DOCK5: variants seen among roughly 807,000 people sequenced by gnomAD.
The protein encoded by DOCK5 is dedicator of cytokinesis 5.
Under a neutral mutation model 251.8 loss-of-function variants are expected in DOCK5, and 142 were observed. The observed-to-expected ratio is 0.56, with a 90% CI of 0.49 to 0.65. The LOEUF is 0.65. Ranked by LOEUF, DOCK5 falls within the 30% of genes least tolerant of loss-of-function variation. The pLI is 0.00. For synonymous variants in DOCK5, 842 were observed against 835.5 expected (o/e 1.01, Z -0.13); for missense variants, 2,111 against 2,312.3 (o/e 0.91, Z 1.79).
intron 5 of DOCK5, among the ~76,000 whole-genome samples, chr8:25,282,371 T>A (rs1413655132): frequency 1.3e-5 from 2 of 152,158 alleles, no homozygotes; most frequent in Non-Finnish European, 2.9e-5. Flanking sequence ...AAAACCCAAA[T>A]CTCTGGTTTT....
At chr8:25,394,351 CTT>C (rs199715686) in intron 44 of DOCK5, among the ~76,000 whole-genome samples, 8 of 145,994 alleles carry the variant, frequency 5.5e-5, no homozygotes, top group Admixed American at 6.8e-5. Context: ...GAAGGAGATA[CTT>C]TTTTTTTTTT....
intron 5 of DOCK5, among the ~76,000 whole-genome samples, chr8:25,289,603 G>A (rs1413956019): frequency 2.0e-5 from 3 of 152,034 alleles, no homozygotes; most frequent in African/African-American, 4.8e-5. Flanking sequence ...AGCACTTTGG[G>A]AGACTGAGGC....
rs149682922 is a variant in DOCK5 at position 25,405,712 on chromosome 8, G to C, written c.5093+1988G>C. On this transcript the variant is annotated intron_variant, in intron 48 of 51. Transcript: ENST00000276440. ...AATGTATGGACTAACTTTAGGAAGA[G>C]TGATGGCTTTTTGATGCTGAGGCTT... 3.4e-3 allele frequency among the ~76,000 whole-genome samples: 516 copies of C among 152,264 alleles called. 3 individuals are homozygous for C. Among genetic ancestry groups the C allele is most frequent in the South Asian group, 0.028 (135 of 4,830 alleles).
chr8:25,374,921 A>G (rs1161186022), intron 37 of DOCK5: 8 of 1,276,350 alleles, frequency 6.3e-6, no homozygotes, highest in African/African-American at 6.1e-5. Context: ...AAGCAATAAA[A>G]CACACATTGA....
chr8:25,245,239 G>A (rs989639704), intron 2 of DOCK5, among the ~76,000 whole-genome samples: 6 of 151,958 alleles, frequency 3.9e-5, no homozygotes, highest in Admixed American at 1.3e-4. Context: ...TATATTTTTA[G>A]TAGAGACGGA....
At chr8:25,377,216 A>G (rs1336034900) in intron 37 of DOCK5, 89 bp from the exon 38 acceptor site, 5 of 1,436,046 alleles carry the variant, frequency 3.5e-6, no homozygotes, top group Non-Finnish European at 2.8e-6. Context: ...TACAAAATCA[A>G]TGAGTCAAAT....
At chr8:25,410,939 ATGTGTGTGTGTGTG>A (rs763758410) in intron 51 of DOCK5, among the ~76,000 whole-genome samples, 4 of 102,062 alleles carry the variant, frequency 3.9e-5, no homozygotes, top group Admixed American at 1.1e-4. Flanking sequence ...GAGAGAGAAA[ATGTGTGTGTGTGTG>A]TGTGTGTGTG....
intron 26 of DOCK5, among the ~76,000 whole-genome samples, chr8:25,350,917 A>G (rs1800455757): frequency 6.6e-6 from 1 of 152,122 alleles, no homozygotes; most frequent in Non-Finnish European, 1.5e-5. Context: ...GGAGACACAA[A>G]CATTTACTCC....
chr8:25,216,165 A>G (rs184117759), intron 1 of DOCK5, among the ~76,000 whole-genome samples: 4,059 of 146,606 alleles, frequency 0.028, 164 homozygotes, highest in South Asian at 0.038. Context: ...GTATATATGT[A>G]TACAATATGT....
chr8:25,289,226 G>A (rs1201939823), intron 5 of DOCK5, among the ~76,000 whole-genome samples: 1 of 152,128 alleles, frequency 6.6e-6, no homozygotes, highest in Non-Finnish European at 1.5e-5. Context: ...CCTTAGGATC[G>A]TCATAGAAGG....
At chr8:25,287,120 T>C (rs1804356193) in intron 5 of DOCK5, among the ~76,000 whole-genome samples, 1 of 152,194 alleles carries the variant, frequency 6.6e-6, no homozygotes, top group South Asian at 2.1e-4. Flanking sequence ...GCAAAGCTAT[T>C]TTTTCTTGTG....
At chr8:25,262,807 G>A (rs752712186) in intron 2 of DOCK5, among the ~76,000 whole-genome samples, 1 of 151,616 alleles carries the variant, frequency 6.6e-6, no homozygotes, top group Non-Finnish European at 1.5e-5. Context: ...TCATAGAAAA[G>A]CAAATATAGA....
At chr8:25,227,580 C>T (rs1021231824) in intron 1 of DOCK5, among the ~76,000 whole-genome samples, 6 of 151,958 alleles carry the variant, frequency 3.9e-5, no homozygotes, top group African/African-American at 1.5e-4. Flanking sequence ...AATCCCTTGC[C>T]ATTTTTCCCT....
chr8:25,330,174 G>C (rs1805651071), intron 18 of DOCK5, among the ~76,000 whole-genome samples: 1 of 152,182 alleles, frequency 6.6e-6, no homozygotes, highest in Admixed American at 6.5e-5. Context: ...AGAAATAAGA[G>C]CTGGAGAATA....
chr8:25,341,938 C>A, intron 24 of DOCK5, 129 bp downstream of exon 24: 1 of 751,994 alleles, frequency 1.3e-6, no homozygotes, highest in Non-Finnish European at 2.1e-6. Flanking sequence ...TTTTTGTGCT[C>A]AGTTCTGTGG....
In DOCK5 at chr8:25,323,955, G is replaced by T; in HGVS notation, c.1719+4G>T. 6.2e-7 allele frequency: 1 copy of T among 1,604,064 alleles called. No homozygotes were observed. Among genetic ancestry groups the T allele is most frequent in the Non-Finnish European group, 8.5e-7 (1 of 1,175,596 alleles). On this transcript the variant is annotated splice_donor_region_variant and intron_variant, in intron 17 of 51. Coordinates refer to ENST00000276440, the MANE Select transcript of DOCK5 (RefSeq NM_024940.8). ...GCACGATCTGGTGGTTTATAAGGTGGTGCTAACAGAAAATGGCTGAGAAAA... is the reference window on the plus strand; with the variant it reads ...GCACGATCTGGTGGTTTATAAGGTGTTGCTAACAGAAAATGGCTGAGAAAA...
intron 14 of DOCK5, among the ~76,000 whole-genome samples, chr8:25,318,828 T>G (rs1805341170): frequency 6.6e-6 from 1 of 152,046 alleles, no homozygotes; most frequent in Non-Finnish European, 1.5e-5. Context: ...AGTGTCCTGT[T>G]GCATAGTTGT....
chr8:25,206,032 G>T (rs1374208693), intron 1 of DOCK5, among the ~76,000 whole-genome samples: 1 of 152,096 alleles, frequency 6.6e-6, no homozygotes, highest in East Asian at 1.9e-4. Context: ...GTCCAGTTGG[G>T]GTTATTGGAG....
chr8:25,237,104 T>C (rs1286707954), intron 1 of DOCK5, among the ~76,000 whole-genome samples: 3 of 152,190 alleles, frequency 2.0e-5, no homozygotes, highest in Non-Finnish European at 4.4e-5. Context: ...GGATGTCCCA[T>C]GCCTGTAATC....
Sources: gnomAD v4.1 joint callset for allele counts (sites outside exome capture counted in the v4.1 genomes callset) on GRCh38, gnomAD v4.1.1 for gene constraint, MANE v1.5 for transcripts, NCBI Gene and HGNC (gene_info 2026-07-23, HGNC 2026-07-21) for gene names.